The following USP22 variants were observed in gnomAD, a reference collection of about 807,000 sequenced individuals.
USP22 encodes the protein ubiquitin carboxyl-terminal hydrolase 22.
In USP22, 22 loss-of-function variants were observed where a neutral mutation model predicts 68.1. The ratio of observed to expected loss-of-function variants is 0.32; its 90% CI spans 0.23 to 0.46. The LOEUF (loss-of-function observed/expected upper bound fraction) is 0.46. Among genes scored for constraint, USP22 ranks in the 20% least tolerant of loss-of-function variants. USP22 has a pLI of 1.00. For synonymous variants in USP22, 279 were observed against 274.2 expected (o/e 1.02, Z -0.17); for missense variants, 433 against 695.8 (o/e 0.62, Z 4.25).
intron 1 of USP22, among the ~76,000 whole-genome samples, chr17:21,040,051 G>A (rs545102652): frequency 6.6e-5 from 10 of 152,128 alleles, no homozygotes; most frequent in Non-Finnish European, 1.0e-4. Context: ...TTAGCCGGTC[G>A]TGGTGACACA....
chr17:21,002,972 T>A lies in USP22; in HGVS notation c.*59A>T. On this transcript the variant is annotated 3_prime_UTR_variant, in exon 13 of 13. Coordinates refer to ENST00000261497, the MANE Select transcript of USP22 (RefSeq NM_015276.2). Reference sequence around the variant, plus strand: ...TGGGGGAGGGGGGGGCCAGGGAGGATCACTTTGTGAGGCTTGCCAATGCAT... The same window carrying A: ...TGGGGGAGGGGGGGGCCAGGGAGGAACACTTTGTGAGGCTTGCCAATGCAT... 1 of 1,601,706 alleles carries A rather than the reference T, an allele frequency of 6.2e-7. No homozygotes were observed.
At chr17:21,028,978 C>T (rs1972256447) in intron 1 of USP22, among the ~76,000 whole-genome samples, 1 of 68,446 alleles carries the variant, frequency 1.5e-5, no homozygotes, top group Non-Finnish European at 3.1e-5. Flanking sequence ...CACCCCAAGC[C>T]CAGCTCCCAT....
At chr17:21,007,375 A>G (rs1254594295) in intron 9 of USP22, among the ~76,000 whole-genome samples, 1 of 152,182 alleles carries the variant, frequency 6.6e-6, no homozygotes, top group Non-Finnish European at 1.5e-5. Context: ...TCCAGCCAGC[A>G]AGCTAGGAAT....
intron 5 of USP22, among the ~76,000 whole-genome samples, chr17:21,017,486 G>C (rs189334781): frequency 6.6e-6 from 1 of 152,342 alleles, no homozygotes; most frequent in East Asian, 1.9e-4. Context: ...CAGCCCACAG[G>C]AACAGCCAAC....
At chr17:21,011,016 AGCC>A in intron 8 of USP22, 132 bp downstream of exon 8, 1 of 1,235,874 alleles carries the variant, frequency 8.1e-7, no homozygotes, top group South Asian at 1.8e-5. Context: ...AAGAGACTGC[AGCC>A]AATCCAGGCT....
At chr17:21,043,052 G>A (rs1294540458), upstream of USP22, 2 of 264,910 alleles carry the variant, frequency 7.5e-6, no homozygotes, top group Non-Finnish European at 1.4e-5. Flanking sequence ...CGGACCGCCT[G>A]CGCTGCGCTC....
At chr17:21,010,573 A>C (rs939908584) in intron 8 of USP22, among the ~76,000 whole-genome samples, 1 of 100,938 alleles carries the variant, frequency 9.9e-6, no homozygotes, top group Non-Finnish European at 2.6e-5. Context: ...GCTACTCAGG[A>C]GAATCACTTG....
In USP22 at chr17:21,018,241, G is replaced by A. The variant is rs562941434; in HGVS notation, c.521-130C>T. 59 of 844,294 alleles carry A rather than the reference G, an allele frequency of 7.0e-5. No individual in the cohort carries two copies. In the Middle Eastern group the frequency reaches 1.1e-3, roughly 16 times the overall value. 52.3% of individuals were successfully genotyped at this position (844,294 alleles called of 1,614,324 possible). A position where few individuals can be genotyped will look rare whatever the true frequency, so the allele number is the denominator to read the frequency against. On this transcript the variant is annotated intron_variant, in intron 4 of 12. Coordinates refer to ENST00000261497, the MANE Select transcript of USP22 (RefSeq NM_015276.2). ...TCATTCATTCAAGCCAGAACACGAT[G>A]AGATATCGCATTCTGCTAGTTTTTA...
chr17:21,004,411 A>G, intron 11 of USP22, 60 bp from the exon 12 acceptor site: 1 of 1,594,454 alleles, frequency 6.3e-7, no homozygotes. Context: ...ACTTGAGGTC[A>G]TCACCATCAG....
At chr17:21,003,400 A>G (rs573149451) in intron 12 of USP22, among the ~76,000 whole-genome samples, 1 of 152,272 alleles carries the variant, frequency 6.6e-6, no homozygotes, top group East Asian at 1.9e-4. Flanking sequence ...CTCCGTCCAG[A>G]TCCACCTCAT....
chr17:21,005,831 A>G (rs1249779188), intron 10 of USP22, among the ~76,000 whole-genome samples: 3 of 152,246 alleles, frequency 2.0e-5, no homozygotes, highest in Non-Finnish European at 4.4e-5. Context: ...CCTCATTTGT[A>G]AAACCAGTCT....
intron 1 of USP22, among the ~76,000 whole-genome samples, chr17:21,031,191 A>AG (rs1321830172): frequency 6.6e-6 from 1 of 152,272 alleles, no homozygotes; most frequent in Non-Finnish European, 1.5e-5. Context: ...TTCAATTCAT[A>AG]GGTTTATACG....
At chr17:21,022,757 C>A (rs1411280320) in intron 2 of USP22, among the ~76,000 whole-genome samples, 1 of 150,084 alleles carries the variant, frequency 6.7e-6, no homozygotes, top group African/African-American at 2.4e-5. Context: ...TGAGATCTCA[C>A]CACTGCACTC....
intron 5 of USP22, 116 bp downstream of exon 5, chr17:21,017,826 T>G (rs534471988): frequency 1.9e-4 from 242 of 1,300,250 alleles, no homozygotes; most frequent in Middle Eastern, 2.5e-4. Flanking sequence ...AAACATTAAC[T>G]TACTACAAAA....
intron 2 of USP22, among the ~76,000 whole-genome samples, chr17:21,024,380 C>T (rs532440514): frequency 6.6e-6 from 1 of 152,304 alleles, no homozygotes; most frequent in East Asian, 1.9e-4. Context: ...CTTTAAGACG[C>T]CTTCACACTG....
intron 1 of USP22, among the ~76,000 whole-genome samples, chr17:21,030,428 G>T (rs1206193921): frequency 7.9e-5 from 12 of 152,116 alleles, no homozygotes; most frequent in African/African-American, 2.9e-4. Flanking sequence ...ACGTGTACTT[G>T]TGTATTGAGG....
chr17:21,037,912 A>G (rs1972377211), intron 1 of USP22, among the ~76,000 whole-genome samples: 1 of 152,220 alleles, frequency 6.6e-6, no homozygotes, highest in Non-Finnish European at 1.5e-5. Context: ...GGGGAAAGAT[A>G]CACAGGATTA....
At chr17:21,023,569 C>T (rs1203736199) in intron 2 of USP22, among the ~76,000 whole-genome samples, 1 of 147,732 alleles carries the variant, frequency 6.8e-6, no homozygotes, top group African/African-American at 2.5e-5. Context: ...GGCTTGAGCC[C>T]GGAAGGCAGA....
rs544784538 is a variant in USP22, at chr17:21,008,059, A to G, written c.1104-63T>C. The stretch of plus-strand genomic sequence containing the variant: ...ATGCAAGAGACAGAAAAATGAGAGG[A>G]AAGAGGTATTTTATCTCTTTCATTG... On this transcript the variant is annotated intron_variant, in intron 8 of 12. Transcript: ENST00000261497. 41 of 1,571,488 alleles carry G rather than the reference A, an allele frequency of 2.6e-5. No individual in the cohort carries two copies. In the African/African-American group the frequency reaches 3.9e-4, roughly 15 times the overall value.
Sources: gnomAD v4.1 joint callset for allele counts (sites outside exome capture counted in the v4.1 genomes callset) on GRCh38, gnomAD v4.1.1 for gene constraint, MANE v1.5 for transcripts, NCBI Gene and HGNC (gene_info 2026-07-23, HGNC 2026-07-21) for gene names.